The following NAMPT variants were observed in gnomAD, a reference collection of about 807,000 sequenced individuals.
NAMPT encodes the protein NAmPRTase.
Under a neutral mutation model 58.7 loss-of-function variants are expected in NAMPT, and 7 were observed. The ratio of observed to expected loss-of-function variants is 0.12; its 90% confidence interval spans 0.07 to 0.22. The LOEUF is 0.22. Among genes scored for constraint, NAMPT ranks in the 10% least tolerant of loss-of-function variants. NAMPT has a pLI of 1.00. For missense variants in NAMPT, 271 were observed against 567.9 expected, an observed-to-expected ratio of 0.48 and a Z score of 5.31; for synonymous variants, 145 against 198.1, an observed-to-expected ratio of 0.73 and a Z score of 2.25.
chr7:106,278,844 A>C (rs1377879805), intron 1 of NAMPT, among the ~76,000 whole-genome samples: 1 of 152,204 alleles, frequency 6.6e-6, no homozygotes, highest in Non-Finnish European at 1.5e-5. Context: ...AAACTTGAAA[A>C]ATGGTGTGGA....
At chr7:106,259,878 C>CTTT (rs78910620) in intron 8 of NAMPT, among the ~76,000 whole-genome samples, 2,292 of 132,786 alleles carry the variant, frequency 0.017, 99 homozygotes, top group African/African-American at 0.062. Flanking sequence ...TCGAAACAAT[C>CTTT]TTTTTTTTTT....
chr7:106,270,376 T>C, intron 4 of NAMPT: 2 of 301,690 alleles, frequency 6.6e-6, no homozygotes, highest in East Asian at 1.1e-4. Context: ...AGCAAGCTTT[T>C]ACTGAATACC....
intron 4 of NAMPT, chr7:106,272,138 T>G (rs558137681): frequency 5.4e-6 from 2 of 370,070 alleles, no homozygotes; most frequent in African/African-American, 4.5e-5. Flanking sequence ...AAGTAGTTAC[T>G]AGAAGTTGGA....
intron 3 of NAMPT, among the ~76,000 whole-genome samples, chr7:106,274,218 C>A (rs1011496625): frequency 4.1e-4 from 62 of 151,714 alleles, no homozygotes; most frequent in African/African-American, 1.5e-3. Context: ...GTGATAGACT[C>A]ACAGCATCTA....
At chr7:106,284,749 AGCCG>A in intron 1 of NAMPT, 75 bp downstream of exon 1, 1 of 72,254 alleles carries the variant, frequency 1.4e-5, no homozygotes, top group Non-Finnish European at 2.0e-5. Flanking sequence ...CCCCAGCCCC[AGCCG>A]CCCCCGCCCC....
chr7:106,282,494 G>C (rs1340940956), intron 1 of NAMPT, among the ~76,000 whole-genome samples: 1 of 152,200 alleles, frequency 6.6e-6, no homozygotes, highest in African/African-American at 2.4e-5. Flanking sequence ...GGTTTAAACG[G>C]TGTCCTTACT....
At chr7:106,272,713 G>A (rs1792559539) in intron 3 of NAMPT, 55 bp from the exon 4 acceptor site, 3 of 1,585,698 alleles carry the variant, frequency 1.9e-6, no homozygotes, top group Non-Finnish European at 2.6e-6. Context: ...TCAATTCCCT[G>A]CTGTTTTACT....
chr7:106,260,941 T>C (rs1054327219), intron 8 of NAMPT, among the ~76,000 whole-genome samples: 1 of 152,110 alleles, frequency 6.6e-6, no homozygotes, highest in South Asian at 2.1e-4. Context: ...ATAACAGATA[T>C]AATGACAAAG....
At position 106,279,519 on chromosome 7, in the gene NAMPT, T is replaced by C. The variant is rs990283297; in HGVS notation, c.58-2340A>G. On this transcript the variant is annotated intron_variant, in intron 1 of 10. Transcript: ENST00000222553. Reference sequence around the variant, plus strand: ...CTAACAATGTAGTCAAAAGGATTTATAATGATTCTAGTTTTGCTAGCTTAC... The same window carrying C: ...CTAACAATGTAGTCAAAAGGATTTACAATGATTCTAGTTTTGCTAGCTTAC... Among the ~76,000 whole-genome samples, 22 of 152,252 alleles carry C rather than the reference T, an allele frequency of 1.4e-4. 1 individual carries two copies. The highest frequency in any genetic ancestry group is 1.2e-3 in the Admixed American group (19 of 15,290).
At position 106,261,597 on chromosome 7, in the gene NAMPT, G is replaced by T; in HGVS notation, c.1080C>A (p.Thr360=). The T allele has an allele frequency of 6.4e-7, 1 of 1,572,408 alleles. No homozygotes were observed. The highest frequency in any genetic ancestry group is 8.7e-7 in the Non-Finnish European group (1 of 1,145,290). The part of the protein sequence containing the change: ...VIQGDGVDIN[T]LQEIVEGMKQ... ...AATATAAAACACATACCTCTTGTAAGGTATTAATATCTACTCCATCCCCTT... is the reference window on the plus strand; with the variant it reads ...AATATAAAACACATACCTCTTGTAATGTATTAATATCTACTCCATCCCCTT... The change falls in exon 8 of 11, where the codon ACC becomes ACA. Residue 360 remains threonine (T), a synonymous_variant. Coordinates refer to ENST00000222553, the MANE Select transcript of NAMPT (RefSeq NM_005746.3).
intron 8 of NAMPT, among the ~76,000 whole-genome samples, chr7:106,256,359 C>A (rs1359124476): frequency 6.6e-6 from 1 of 152,192 alleles, no homozygotes; most frequent in South Asian, 2.1e-4. Context: ...ACAGGGGTGA[C>A]AGGCTGAATA....
chr7:106,279,994 A>G (rs551704932), intron 1 of NAMPT, among the ~76,000 whole-genome samples: 39 of 152,180 alleles, frequency 2.6e-4, no homozygotes, highest in Admixed American at 5.9e-4. Context: ...GGTCAGAGGT[A>G]GGCAGAAATG....
In NAMPT at chr7:106,274,386, T is replaced by C. The variant is rs377376297; in HGVS notation, c.318+560A>G. ...TTACTTAGACTTGCTGTAGATTCTA[T>C]ATGCTAATGATTTAACATGGGGGAT... On this transcript the variant is annotated intron_variant, in intron 3 of 10. Coordinates refer to ENST00000222553, the MANE Select transcript of NAMPT (RefSeq NM_005746.3). Among the ~76,000 whole-genome samples, 68 of 152,270 alleles carry C rather than the reference T, an allele frequency of 4.5e-4. No individual in the cohort carries two copies. In the South Asian group the frequency reaches 1.0e-2, roughly 22 times the overall value.
intron 8 of NAMPT, among the ~76,000 whole-genome samples, chr7:106,258,233 C>T (rs939009821): frequency 6.6e-6 from 1 of 152,138 alleles, no homozygotes; most frequent in Non-Finnish European, 1.5e-5. Flanking sequence ...CTATTCCGGA[C>T]GCCTCATATT....
chr7:106,254,356 T>G lies in NAMPT; in HGVS notation c.1230+8A>C. 1 of 1,613,458 alleles carries G rather than the reference T, an allele frequency of 6.2e-7. No homozygotes were observed. On this transcript the variant is annotated splice_region_variant and intron_variant, in intron 9 of 10. Coordinates refer to ENST00000222553, the MANE Select transcript of NAMPT (RefSeq NM_005746.3). ...TAGTAACACAGAAGTAATTAAAAGGTGACATACCCCAAGGCCATTAGTTAC... is the reference window on the plus strand; with the variant it reads ...TAGTAACACAGAAGTAATTAAAAGGGGACATACCCCAAGGCCATTAGTTAC...
At chr7:106,258,523 T>G (rs1353771609) in intron 8 of NAMPT, among the ~76,000 whole-genome samples, 1 of 152,218 alleles carries the variant, frequency 6.6e-6, no homozygotes, top group Non-Finnish European at 1.5e-5. Flanking sequence ...ATTATGGCCC[T>G]TAAGAACCTT....
chr7:106,257,921 G>GT (rs932846584), intron 8 of NAMPT, among the ~76,000 whole-genome samples: 11 of 152,226 alleles, frequency 7.2e-5, no homozygotes, highest in African/African-American at 2.6e-4. Flanking sequence ...GTGTATACAC[G>GT]TAAGTGCTAA....
In NAMPT at chr7:106,263,715, T is replaced by C. The variant is rs910156659; in HGVS notation, c.744-98A>G. On this transcript the variant is annotated intron_variant, in intron 6 of 10. Coordinates refer to ENST00000222553, the MANE Select transcript of NAMPT (RefSeq NM_005746.3). ...ATCTCATGTTTACTATACCAAACCA[T>C]CAACATCACAGAGAAGGTGAGTGAC... is the stretch of plus-strand genomic sequence containing the variant. 10 of 885,328 alleles carry C rather than the reference T, an allele frequency of 1.1e-5. No homozygotes were observed. In the African/African-American group the frequency reaches 1.3e-4, roughly 12 times the overall value. 54.8% of individuals were successfully genotyped at this position (885,328 alleles called of 1,614,324 possible).
intron 3 of NAMPT, among the ~76,000 whole-genome samples, chr7:106,274,257 T>G (rs1333379566): frequency 6.6e-6 from 1 of 151,976 alleles, no homozygotes; most frequent in Non-Finnish European, 1.5e-5. Flanking sequence ...GACCTACATT[T>G]TGAAATTGCC....
Sources: allele counts gnomAD v4.1 joint callset (sites outside exome capture counted in the v4.1 genomes callset), GRCh38; gene constraint gnomAD v4.1.1; transcripts MANE v1.5; gene names NCBI Gene and HGNC (gene_info 2026-07-23, HGNC 2026-07-21).